The following RHBDD1 variants were observed in gnomAD, a reference collection of about 807,000 sequenced individuals.
RHBDD1 encodes rhomboid-related protein 4.
In RHBDD1, 38 loss-of-function variants were observed where a neutral mutation model predicts 36.3. That is an observed-to-expected ratio of 1.05 (90% CI 0.81 to 1.37). The LOEUF (loss-of-function observed/expected upper bound fraction) is 1.37. RHBDD1 is among the 40% of genes most tolerant of loss of function. The pLI, the probability that RHBDD1 is intolerant of heterozygous loss-of-function variation, is 0.00. For synonymous variants in RHBDD1, 151 were observed against 136.5 expected (o/e 1.11, Z -0.74); for missense variants, 393 against 377.6 (o/e 1.04, Z -0.34).
chr2:226,994,246 C>A (rs544306090), intron 8 of RHBDD1, among the ~76,000 whole-genome samples: 138 of 152,340 alleles, frequency 9.1e-4, no homozygotes, highest in African/African-American at 3.2e-3. Flanking sequence ...GTGTTCAGAA[C>A]TGTCCCAGAT....
intron 2 of RHBDD1, 130 bp downstream of exon 2, chr2:226,838,284 G>A (rs563472718): frequency 3.3e-5 from 5 of 152,312 alleles, no homozygotes; most frequent in African/African-American, 1.2e-4. Context: ...GATTATTCTG[G>A]AAATAATTTC....
chr2:226,864,634 C>G lies in RHBDD1; in HGVS notation c.-60C>G, dbSNP rs1266085716. 1 of 1,420,458 alleles carries G rather than the reference C, an allele frequency of 7.0e-7. No individual in the cohort carries two copies. Among genetic ancestry groups the G allele is most frequent in the African/African-American group, 1.4e-5 (1 of 70,722 alleles). The allele number at this position is 1,420,458 out of a possible 1,614,324, so 88.0% of individuals were successfully genotyped here. ...GCCGTCTGTATATCTCCCCAGATAC[C>G]TGAAACTGACCACCTGAGTACGTTT... On this transcript the variant is annotated 5_prime_UTR_variant, in exon 4 of 9. Coordinates refer to ENST00000392062, the MANE Select transcript of RHBDD1 (RefSeq NM_001167608.3).
At chr2:226,874,584 T>C (rs1054274851) in intron 5 of RHBDD1, among the ~76,000 whole-genome samples, 25 of 152,288 alleles carry the variant, frequency 1.6e-4, no homozygotes, top group African/African-American at 5.8e-4. Flanking sequence ...TCCAGGGTCA[T>C]GTGGCCTTCT....
chr2:226,962,046 A>T (rs1952239191), intron 8 of RHBDD1, among the ~76,000 whole-genome samples: 1 of 152,128 alleles, frequency 6.6e-6, no homozygotes, highest in Non-Finnish European at 1.5e-5. Context: ...ATTTCAGACC[A>T]ATCAGAGAAG....
At chr2:226,929,938 A>G (rs985651340) in intron 8 of RHBDD1, among the ~76,000 whole-genome samples, 1 of 151,940 alleles carries the variant, frequency 6.6e-6, no homozygotes, top group Non-Finnish European at 1.5e-5. Context: ...AAACAAAACA[A>G]ACTGGGGATA....
chr2:226,860,768 C>T lies in RHBDD1; in HGVS notation c.-90-3836C>T, dbSNP rs180859432. 1.3e-4 allele frequency among the ~76,000 whole-genome samples: 20 copies of T among 152,260 alleles called. No individual in the cohort carries two copies. The East Asian group carries it at 3.3e-3, about 25-fold the overall frequency. ...CTGGGACTCTAATGGCCTTTGTTTA[C>T]AAAGGTGGAGCCCAAAAGACGGGCA... is the stretch of plus-strand genomic sequence containing the variant. On this transcript the variant is annotated intron_variant, in intron 3 of 8. Transcript: ENST00000392062.
At chr2:226,833,538 T>G (rs888388894), upstream of RHBDD1, among the ~76,000 whole-genome samples, 1 of 152,236 alleles carries the variant, frequency 6.6e-6, no homozygotes, top group Non-Finnish European at 1.5e-5. Context: ...GGCTTAATCA[T>G]AGGTATTGCT....
intron 5 of RHBDD1, among the ~76,000 whole-genome samples, chr2:226,875,900 A>G (rs1945196898): frequency 6.6e-6 from 1 of 152,226 alleles, no homozygotes; most frequent in African/African-American, 2.4e-5. Flanking sequence ...GTGTTCCTGC[A>G]AGGGCACAGT....
intron 8 of RHBDD1, among the ~76,000 whole-genome samples, chr2:226,972,759 G>A (rs889078587): frequency 6.6e-6 from 1 of 152,086 alleles, no homozygotes; most frequent in Admixed American, 6.5e-5. Flanking sequence ...CTCACACTCG[G>A]CCAAGCTCTT....
chr2:226,855,972 G>T lies in RHBDD1; in HGVS notation c.-90-8632G>T, dbSNP rs570584819. ...TCCCTCTGATTTTATCATTAATGTA[G>T]CTCTGGAAGACATTTAATGGATTAG... On this transcript the variant is annotated intron_variant, in intron 3 of 8. Coordinates refer to ENST00000392062, the MANE Select transcript of RHBDD1 (RefSeq NM_001167608.3). 1.5e-4 allele frequency among the ~76,000 whole-genome samples: 23 copies of T among 152,184 alleles called. No individual in the cohort carries two copies. The South Asian group carries it at 4.8e-3, about 32-fold the overall frequency.
At chr2:226,994,848 G>A (rs1959057097) in intron 8 of RHBDD1, among the ~76,000 whole-genome samples, 1 of 152,146 alleles carries the variant, frequency 6.6e-6, no homozygotes, top group Admixed American at 6.5e-5. Flanking sequence ...GATTTCCACA[G>A]TCCTTCATAT....
At chr2:226,844,505 G>A (rs561297418) in intron 3 of RHBDD1, among the ~76,000 whole-genome samples, 71 of 152,304 alleles carry the variant, frequency 4.7e-4, no homozygotes, top group South Asian at 1.9e-3. Flanking sequence ...GGGAAGACTT[G>A]AGTTACATAA....
chr2:226,851,378 C>T (rs999540109), intron 3 of RHBDD1, among the ~76,000 whole-genome samples: 2 of 151,886 alleles, frequency 1.3e-5, no homozygotes, highest in East Asian at 1.9e-4. Context: ...CCGTGTGCAG[C>T]AGAGCAACTT....
chr2:226,878,711 C>T (rs538491214), intron 5 of RHBDD1, among the ~76,000 whole-genome samples: 12 of 152,188 alleles, frequency 7.9e-5, no homozygotes, highest in African/African-American at 2.4e-4. Flanking sequence ...CCGACCACCC[C>T]GTGTGCTCCT....
chr2:226,992,800 C>T (rs1339787161), intron 8 of RHBDD1, among the ~76,000 whole-genome samples: 1 of 152,142 alleles, frequency 6.6e-6, no homozygotes, highest in South Asian at 2.1e-4. Flanking sequence ...GAACCGATGG[C>T]CACGTGGGGA....
At chr2:226,931,126 C>T (rs1950005581) in intron 8 of RHBDD1, among the ~76,000 whole-genome samples, 1 of 151,666 alleles carries the variant, frequency 6.6e-6, no homozygotes, top group Non-Finnish European at 1.5e-5. Context: ...ATTCAGCATT[C>T]CCACCACTGA....
intron 8 of RHBDD1, among the ~76,000 whole-genome samples, chr2:226,980,985 A>G (rs372869607): frequency 1.3e-5 from 2 of 152,196 alleles, no homozygotes; most frequent in African/African-American, 4.8e-5. Context: ...ATTCTAGTTC[A>G]GTTTGAGACT....
intron 3 of RHBDD1, among the ~76,000 whole-genome samples, chr2:226,851,268 T>C (rs1304415420): frequency 6.6e-6 from 1 of 151,986 alleles, no homozygotes; most frequent in African/African-American, 2.4e-5. Flanking sequence ...GTCTCTGCAT[T>C]TGGGGTATGT....
chr2:226,818,418 G>A, the RHBDD1 span, among the ~76,000 whole-genome samples: 23 of 150,760 alleles, frequency 1.5e-4, no homozygotes, highest in Non-Finnish European at 2.2e-4. Context: ...TGCTCACCTC[G>A]GCCTCCCAAA....
Sources: gnomAD v4.1 joint callset for allele counts (sites outside exome capture counted in the v4.1 genomes callset) on GRCh38, gnomAD v4.1.1 for gene constraint, MANE v1.5 for transcripts, NCBI Gene and HGNC (gene_info 2026-07-23, HGNC 2026-07-21) for gene names.